The following ZKSCAN7 variants were observed in gnomAD, a reference collection of about 807,000 sequenced individuals.
The protein encoded by ZKSCAN7 is zinc finger with KRAB and SCAN domains 7.
Under a neutral mutation model 65.3 loss-of-function variants are expected in ZKSCAN7, and 38 were observed. The observed-to-expected ratio is 0.58, with a 90% CI of 0.45 to 0.76. The LOEUF (loss-of-function observed/expected upper bound fraction) is 0.76, where lower values mean the gene tolerates loss of function less well. Ranked by LOEUF, ZKSCAN7 falls within the 30% of genes least tolerant of loss-of-function variation. The pLI is 0.00. For missense variants in ZKSCAN7, 815 were observed against 913.3 expected (o/e 0.89, Z 1.39); for synonymous variants, 321 against 321.0 (o/e 1.00, Z 0.00).
intron 2 of ZKSCAN7, among the ~76,000 whole-genome samples, chr3:44,558,622 C>T (rs531461286): frequency 6.6e-6 from 1 of 151,988 alleles, no homozygotes; most frequent in Non-Finnish European, 1.5e-5. Context: ...CATAGGCAGG[C>T]CATCGACAAG....
At position 44,556,967 on chromosome 3, in the gene ZKSCAN7, A is replaced by G; in HGVS notation, c.-81A>G. 3 of 1,584,352 alleles carry G rather than the reference A, an allele frequency of 1.9e-6. No individual in the cohort carries two copies. Among genetic ancestry groups the G allele is most frequent in the African/African-American group, 1.4e-5 (1 of 73,388 alleles). On this transcript the variant is annotated 5_prime_UTR_variant, in exon 2 of 6. Coordinates refer to ENST00000426540, the MANE Select transcript of ZKSCAN7 (RefSeq NM_001288590.2). ...TCACCCCTTTCTCCAACCCTGAAAA[A>G]CAGTTCCTGAGACCTGAACTATTGA...
intron 5 of ZKSCAN7, chr3:44,580,507 T>C (rs1421799801): frequency 2.8e-5 from 45 of 1,610,938 alleles, no homozygotes; most frequent in Non-Finnish European, 3.7e-5. Context: ...ACAGCCACCT[T>C]GGCAGGCCCA....
intron 5 of ZKSCAN7, chr3:44,580,095 T>G: frequency 1.2e-6 from 2 of 1,607,530 alleles, no homozygotes; most frequent in Non-Finnish European, 8.5e-7. Context: ...GTGCTCTGCC[T>G]TCTCAATGTC....
Position 44,571,450 on chromosome 3 carries a change from T to C in ZKSCAN7, c.*75T>C, listed in dbSNP as rs779349615. 1 of 1,601,750 alleles carries C rather than the reference T, an allele frequency of 6.2e-7. No homozygotes were observed. The highest frequency in any genetic ancestry group is 1.1e-5 in the South Asian group (1 of 91,030). On this transcript the variant is annotated 3_prime_UTR_variant, in exon 6 of 6. Coordinates refer to ENST00000426540, the MANE Select transcript of ZKSCAN7 (RefSeq NM_001288590.2). ...TTATAAGCAGGATGCTCATAGTGGTTTCCCGGAGCCAGTAGTCACGGTGGA... is the reference window on the plus strand; with the variant it reads ...TTATAAGCAGGATGCTCATAGTGGTCTCCCGGAGCCAGTAGTCACGGTGGA...
intron 2 of ZKSCAN7, among the ~76,000 whole-genome samples, chr3:44,559,594 T>C (rs920134365): frequency 3.3e-5 from 5 of 152,106 alleles, no homozygotes; most frequent in African/African-American, 1.2e-4. Context: ...ACCTGGCTAA[T>C]TTTTGTGTTT....
At chr3:44,558,825 G>T (rs1442572802) in intron 2 of ZKSCAN7, among the ~76,000 whole-genome samples, 7 of 122,966 alleles carry the variant, frequency 5.7e-5, no homozygotes, top group African/African-American at 2.2e-4. Context: ...TGTTGCCTAG[G>T]CCAGAATGCA....
chr3:44,557,211 T>C lies in ZKSCAN7; in HGVS notation c.164T>C (p.Leu55Pro). 2 of 1,614,264 alleles carry C rather than the reference T, an allele frequency of 1.2e-6. No individual in the cohort carries two copies. Among genetic ancestry groups the C allele is most frequent in the Middle Eastern group, 1.6e-4 (1 of 6,062 alleles). Residue 55 changes from leucine to proline, a missense_variant, in exon 2 of 6, where the codon CTA becomes CCA. Around this residue, in one of 3 missense-constraint regions of ZKSCAN7, gnomAD observed 227 missense variants for 253.3 expected, o/e 0.90. Coordinates refer to ENST00000426540, the MANE Select transcript of ZKSCAN7 (RefSeq NM_001288590.2). ...NYPPVCEIFR[L>P]HFRQLCYHEM... ...CCTCCTGTCTGCGAAATCTTCCGGC[T>C]ACACTTCAGGCAATTGTGTTACCAC...
At chr3:44,573,193 T>G (rs1196395606), downstream of ZKSCAN7, among the ~76,000 whole-genome samples, 2 of 152,242 alleles carry the variant, frequency 1.3e-5, no homozygotes, top group Admixed American at 6.5e-5. Context: ...TCCATGAGCT[T>G]GAACAACTTT....
rs1361402474 is a variant in ZKSCAN7, at chr3:44,570,927, C to A, written c.1817C>A (p.Pro606His). 1 of 1,614,048 alleles carries A rather than the reference C, an allele frequency of 6.2e-7. No homozygotes were observed. Among genetic ancestry groups the A allele is most frequent in the Non-Finnish European group, 8.5e-7 (1 of 1,179,980 alleles). ...GAGCGAATTCATACTGGAGAAAAACCTTTTGAATGTAGCGAGTGTGGTAAG... is the reference window on the plus strand; with the variant it reads ...GAGCGAATTCATACTGGAGAAAAACATTTTGAATGTAGCGAGTGTGGTAAG... ...EHERIHTGEK[P>H]FECSECGKAF... The change falls in exon 6 of 6, where the codon CCT becomes CAT. Residue 606 changes from proline to histidine, a missense_variant. Physicochemically the swap from Pro to His is moderately conservative, Grantham distance 77 (BLOSUM62 -2). Coordinates refer to ENST00000426540, the MANE Select transcript of ZKSCAN7 (RefSeq NM_001288590.2).
chr3:44,575,153 G>T (rs1369749596), downstream of ZKSCAN7, among the ~76,000 whole-genome samples: 3 of 152,114 alleles, frequency 2.0e-5, no homozygotes, highest in African/African-American at 7.2e-5. Context: ...TATATTAGTT[G>T]GGTGTATTGG....
chr3:44,555,332 T>G lies in ZKSCAN7; in HGVS notation c.-268T>G, dbSNP rs1239642926. The G allele has an allele frequency of 2.0e-5, 3 of 152,234 alleles. No individual in the cohort carries two copies. The highest frequency in any genetic ancestry group is 2.9e-5 in the Non-Finnish European group (2 of 68,042). 9.4% of individuals were successfully genotyped at this position (152,234 alleles called of 1,614,324 possible). A position where few individuals can be genotyped will look rare whatever the true frequency, so the allele number is the denominator to read the frequency against. ...TCGCCGACGCTGGCCAGGACCGCGC[T>G]TCTTCCCGGCGGCAGGCGGCGCGGT... On this transcript the variant is annotated 5_prime_UTR_variant, in exon 1 of 6. Coordinates refer to ENST00000426540, the MANE Select transcript of ZKSCAN7 (RefSeq NM_001288590.2).
chr3:44,582,651 G>A (rs943087921), intron 5 of ZKSCAN7, among the ~76,000 whole-genome samples: 2 of 152,122 alleles, frequency 1.3e-5, no homozygotes, highest in Admixed American at 6.5e-5. Context: ...GTATGCTTGT[G>A]GATAAGGGCA....
At chr3:44,561,137 AAAG>A (rs1699463843) in intron 2 of ZKSCAN7, among the ~76,000 whole-genome samples, 1 of 152,236 alleles carries the variant, frequency 6.6e-6, no homozygotes, top group African/African-American at 2.4e-5. Flanking sequence ...GGGTAATTAA[AAAG>A]AAAAGAGGTT....
chr3:44,567,824 T>G (rs1699679203), intron 3 of ZKSCAN7, 88 bp from the exon 4 acceptor site: 1 of 592,084 alleles, frequency 1.7e-6, no homozygotes, highest in Admixed American at 3.0e-5. Context: ...GGTGCCTGGG[T>G]TCTCTTGAAT....
chr3:44,569,649 T>G (rs1353655205), intron 5 of ZKSCAN7, among the ~76,000 whole-genome samples: 1 of 152,164 alleles, frequency 6.6e-6, no homozygotes, highest in Non-Finnish European at 1.5e-5. Flanking sequence ...AATCCACTTT[T>G]TTGCTTTCCA....
At position 44,570,712 on chromosome 3, in the gene ZKSCAN7, C is replaced by A. The variant is rs769457938; in HGVS notation, c.1602C>A (p.Ser534=). Reference sequence around the variant, plus strand: ...ATGAGTGTGGGAGAGCATTCTGTTCCAATAGAAATCTCATTGACCATCAGA... The same window carrying A: ...ATGAGTGTGGGAGAGCATTCTGTTCAAATAGAAATCTCATTGACCATCAGA... ...KCNECGRAFC[S]NRNLIDHQRI... Residue 534 remains serine (S), a synonymous_variant, in exon 6 of 6, where the codon TCC becomes TCA. Coordinates refer to ENST00000426540, the MANE Select transcript of ZKSCAN7 (RefSeq NM_001288590.2). 6.2e-7 allele frequency: 1 copy of A among 1,613,412 alleles called. No homozygotes were observed. Among genetic ancestry groups the A allele is most frequent in the Non-Finnish European group, 8.5e-7 (1 of 1,179,840 alleles).
At chr3:44,581,616 A>G (rs867073020) in intron 5 of ZKSCAN7, among the ~76,000 whole-genome samples, 1 of 152,354 alleles carries the variant, frequency 6.6e-6, no homozygotes, top group Middle Eastern at 3.4e-3. Flanking sequence ...GAACCCACGA[A>G]AAAAGGTATC....
chr3:44,555,765 G>C (rs1699271951), intron 1 of ZKSCAN7, among the ~76,000 whole-genome samples: 1 of 152,212 alleles, frequency 6.6e-6, no homozygotes, highest in Non-Finnish European at 1.5e-5. Flanking sequence ...TCTTTTTAAA[G>C]AGATTGAGAC....
downstream of ZKSCAN7, among the ~76,000 whole-genome samples, chr3:44,576,344 C>T (rs1325424303): frequency 6.6e-6 from 1 of 152,156 alleles, no homozygotes; most frequent in Non-Finnish European, 1.5e-5. Flanking sequence ...TGCTCCTTTA[C>T]AGTCAGTCAG....
Sources: allele counts gnomAD v4.1 joint callset (sites outside exome capture counted in the v4.1 genomes callset), GRCh38; gene constraint gnomAD v4.1.1; regional missense constraint gnomAD v4.1.1; transcripts MANE v1.5; gene names NCBI Gene and HGNC (gene_info 2026-07-23, HGNC 2026-07-21).